The following XPO7 variants were observed in gnomAD, a reference collection of about 807,000 sequenced individuals.
The protein encoded by XPO7 is exportin-7.
Under a neutral mutation model 144.3 loss-of-function variants are expected in XPO7, and 21 were observed. The observed-to-expected ratio is 0.15, with a 90% CI of 0.10 to 0.21. The LOEUF (loss-of-function observed/expected upper bound fraction) is 0.21, where lower values mean the gene tolerates loss of function less well. Among genes scored for constraint, XPO7 ranks in the 10% least tolerant of loss-of-function variants. The pLI is 1.00. For missense variants in XPO7, 808 were observed against 1,325.8 expected (o/e 0.61, Z 6.06); for synonymous variants, 580 against 499.6 (o/e 1.16, Z -2.15).
intron 1 of XPO7, among the ~76,000 whole-genome samples, chr8:21,929,237 A>T (rs1464495623): frequency 6.6e-6 from 1 of 152,248 alleles, no homozygotes; most frequent in African/African-American, 2.4e-5. Flanking sequence ...CTTGCCGCTG[A>T]ACCAAAGGGA....
At chr8:21,953,436 T>C (rs894879107) in intron 1 of XPO7, among the ~76,000 whole-genome samples, 1 of 152,230 alleles carries the variant, frequency 6.6e-6, no homozygotes. Context: ...TCTATGTCTT[T>C]TTGTAGCCAA....
At chr8:21,946,682 C>A (rs1464412107) in intron 1 of XPO7, among the ~76,000 whole-genome samples, 1 of 142,612 alleles carries the variant, frequency 7.0e-6, no homozygotes, top group African/African-American at 2.6e-5. Context: ...TGCCCTGTTA[C>A]CCAGGCTGAA....
chr8:21,990,999 T>A, intron 18 of XPO7, 80 bp downstream of exon 18: 4 of 1,301,408 alleles, frequency 3.1e-6, no homozygotes, highest in Non-Finnish European at 4.4e-6. Context: ...AAACTAGATG[T>A]TGGGGAGGCC....
chr8:21,923,509 A>G (rs1489717215), intron 1 of XPO7, among the ~76,000 whole-genome samples: 2 of 152,204 alleles, frequency 1.3e-5, no homozygotes, highest in Non-Finnish European at 2.9e-5. Context: ...TAAAACATAT[A>G]TATCTATATA....
At chr8:21,973,140 A>G (rs1212389825) in intron 5 of XPO7, among the ~76,000 whole-genome samples, 1 of 152,234 alleles carries the variant, frequency 6.6e-6, no homozygotes, top group African/African-American at 2.4e-5. Context: ...TCAAACCCAA[A>G]TAGTCTTATT....
chr8:21,987,012 G>A, intron 13 of XPO7, 129 bp from the exon 14 acceptor site: 3 of 1,296,574 alleles, frequency 2.3e-6, no homozygotes, highest in Non-Finnish European at 3.2e-6. Flanking sequence ...CATTTATGTA[G>A]ATGAATTTGG....
intron 1 of XPO7, among the ~76,000 whole-genome samples, chr8:21,931,486 A>G (rs1475256832): frequency 6.6e-6 from 1 of 152,200 alleles, no homozygotes; most frequent in African/African-American, 2.4e-5. Flanking sequence ...CAACCGCAAG[A>G]CTTGAGTGAA....
At position 21,990,621 on chromosome 8, in the gene XPO7, C is replaced by T. The variant is rs140411174; in HGVS notation, c.1933-190C>T. On this transcript the variant is annotated intron_variant, in intron 17 of 27. Coordinates refer to ENST00000252512, the MANE Select transcript of XPO7 (RefSeq NM_015024.5). ...GTTATGGTGAAGTCACCTACTGCTA[C>T]TCATACTGCAGATAAATTAGTAGTA... is the stretch of plus-strand genomic sequence containing the variant. The T allele has an allele frequency of 1.1e-3, 751 of 705,368 alleles. 4 individuals carry two copies. In the African/African-American group the frequency reaches 0.012, roughly 12 times the overall value. The allele number at this position is 705,368 out of a possible 1,614,324, so 43.7% of individuals were successfully genotyped here.
intron 1 of XPO7, among the ~76,000 whole-genome samples, chr8:21,924,245 T>C (rs772650373): frequency 1.3e-4 from 20 of 152,352 alleles, no homozygotes; most frequent in Non-Finnish European, 2.6e-4. Context: ...ATGCTGTGTA[T>C]AAGTGACCCA....
rs1215799779 is a variant in XPO7, at chr8:21,999,170, C to T, written c.2508C>T (p.Phe836=). Residue 836 remains phenylalanine, a synonymous_variant, in exon 23 of 28, where the codon TTC becomes TTT. Coordinates refer to ENST00000252512, the MANE Select transcript of XPO7 (RefSeq NM_015024.5). ...ALKLKGISIC[F]SMLKAALSGS... The stretch of plus-strand genomic sequence containing the variant: ...AGCTCAAGGGCATCTCCATCTGCTT[C>T]TCCATGCTGAAGGCTGCTCTCAGTG... 1.9e-6 allele frequency: 3 copies of T among 1,614,018 alleles called. No individual in the cohort carries two copies. The highest frequency in any genetic ancestry group is 1.1e-5 in the South Asian group (1 of 91,076).
Position 22,005,271 on chromosome 8 carries a change from C to T in XPO7, c.*183C>T, listed in dbSNP as rs1055443344. 2.5e-6 allele frequency: 1 copy of T among 407,868 alleles called. No homozygotes were observed. Among genetic ancestry groups the T allele is most frequent in the Admixed American group, 4.3e-5 (1 of 23,158 alleles). 25.3% of individuals were successfully genotyped at this position (407,868 alleles called of 1,614,324 possible). On this transcript the variant is annotated 3_prime_UTR_variant, in exon 28 of 28. Coordinates refer to ENST00000252512, the MANE Select transcript of XPO7 (RefSeq NM_015024.5). ...GGGTGTGAGTACACTCACTAGGGGG[C>T]AGGGCGCTGCTGGTTCCTGGGGGAC...
chr8:22,006,286 C>A lies in XPO7; in HGVS notation c.*1198C>A, dbSNP rs1813327965. ...TTTTGAATATTAAAAAAAATAATAA[C>A]CTACAGAGGAAAATTAATGGAGACA... On this transcript the variant is annotated 3_prime_UTR_variant, in exon 28 of 28. Coordinates refer to ENST00000252512, the MANE Select transcript of XPO7 (RefSeq NM_015024.5). The A allele has an allele frequency of 6.6e-6, 1 of 152,098 alleles. No individual in the cohort carries two copies. The highest frequency in any genetic ancestry group is 2.1e-4 in the South Asian group (1 of 4,834). 9.4% of individuals were successfully genotyped at this position (152,098 alleles called of 1,614,324 possible). A position where few individuals can be genotyped will look rare whatever the true frequency, so the allele number is the denominator to read the frequency against.
chr8:21,974,635 A>T (rs766788402), intron 5 of XPO7, 35 bp from the exon 6 acceptor site: 1 of 1,474,878 alleles, frequency 6.8e-7, no homozygotes, highest in South Asian at 1.3e-5. Context: ...TTTTGCAATT[A>T]ATTCTTTGCA....
chr8:21,980,183 C>G lies in XPO7; in HGVS notation c.937C>G (p.Arg313Gly). ...FLSHLVDGVK[R>G]ILENPQSLSD... The stretch of plus-strand genomic sequence containing the variant: ...CTCTCATCTTGTTGATGGTGTTAAA[C>G]GAATACTGGAAAACCCACAGGTAAG... The change falls in exon 9 of 28, where the codon CGA (arginine) becomes GGA (glycine). Residue 313 changes from arginine to glycine, a missense_variant. Around this residue, in one of 5 missense-constraint regions of XPO7, gnomAD observed 223 missense variants for 368.8 expected, o/e 0.60. Coordinates refer to ENST00000252512, the MANE Select transcript of XPO7 (RefSeq NM_015024.5). 2 of 1,597,144 alleles carry G rather than the reference C, an allele frequency of 1.3e-6. No homozygotes were observed. Among genetic ancestry groups the G allele is most frequent in the South Asian group, 2.3e-5 (2 of 88,174 alleles).
At chr8:21,979,855 C>T (rs982443779) in intron 8 of XPO7, among the ~76,000 whole-genome samples, 1 of 152,018 alleles carries the variant, frequency 6.6e-6, no homozygotes, top group South Asian at 2.1e-4. Flanking sequence ...TCAGCAAGAA[C>T]AAAGATGCCA....
At chr8:21,948,960 T>G (rs1811278266) in intron 1 of XPO7, among the ~76,000 whole-genome samples, 1 of 152,210 alleles carries the variant, frequency 6.6e-6, no homozygotes, top group Non-Finnish European at 1.5e-5. Flanking sequence ...CATAGTTACT[T>G]GAGTCATTAC....
At chr8:21,951,951 AC>A (rs1310695107) in intron 1 of XPO7, among the ~76,000 whole-genome samples, 5 of 152,190 alleles carry the variant, frequency 3.3e-5, no homozygotes, top group Non-Finnish European at 7.3e-5. Flanking sequence ...ATTGGTGATA[AC>A]CAGCCCAGTC....
At chr8:21,949,190 CATT>C (rs1345146221) in intron 1 of XPO7, among the ~76,000 whole-genome samples, 1 of 152,228 alleles carries the variant, frequency 6.6e-6, no homozygotes, top group Non-Finnish European at 1.5e-5. Context: ...CAGAAATTAA[CATT>C]ATACATAAAA....
chr8:21,938,298 A>T (rs896645924), intron 1 of XPO7, among the ~76,000 whole-genome samples: 2 of 152,248 alleles, frequency 1.3e-5, no homozygotes, highest in African/African-American at 4.8e-5. Flanking sequence ...TTTACATAAC[A>T]TAAAACTTAA....
Sources: allele counts gnomAD v4.1 joint callset (sites outside exome capture counted in the v4.1 genomes callset), GRCh38; gene constraint gnomAD v4.1.1; regional missense constraint gnomAD v4.1.1; transcripts MANE v1.5; gene names NCBI Gene and HGNC (gene_info 2026-07-23, HGNC 2026-07-21).